The following CBARP variants were observed in gnomAD, a reference collection of about 807,000 sequenced individuals.
CBARP encodes the protein CACN subunit beta associated regulatory protein.
A neutral mutation model predicts 36.3 loss-of-function variants in CBARP; 24 were observed. That is an observed-to-expected ratio of 0.66 (90% CI 0.48 to 0.93). The LOEUF (loss-of-function observed/expected upper bound fraction) is 0.93, where lower values mean the gene tolerates loss of function less well. CBARP is among the 40% of genes least tolerant of loss of function. The pLI is 0.00. For synonymous variants in CBARP, 586 were observed against 453.2 expected, an observed-to-expected ratio of 1.29 and a Z score of -3.72; for missense variants, 1,146 against 980.4, an observed-to-expected ratio of 1.17 and a Z score of -2.26.
chr19:1,234,230 G>A lies in CBARP; in HGVS notation c.729C>T (p.Ile243=). ...SAAGATDFAE[I]SPSASSDSGE... ...CAGAGTCGCTAGATGCCGAGGGGCTGATCTCTGCGAAGTCAGTGGCGCCCG... is the reference window on the plus strand; with the variant it reads ...CAGAGTCGCTAGATGCCGAGGGGCTAATCTCTGCGAAGTCAGTGGCGCCCG... The change falls in exon 7 of 10, where the codon ATC becomes ATT. Residue 243 remains isoleucine, a synonymous_variant. Transcript: ENST00000650044. 1 of 1,510,450 alleles carries A rather than the reference G, an allele frequency of 6.6e-7. No individual in the cohort carries two copies. The allele number at this position is 1,510,450 out of a possible 1,614,324, so 93.6% of individuals were successfully genotyped here. A position where few individuals can be genotyped will look rare whatever the true frequency, so the allele number is the denominator to read the frequency against.
intron 1 of CBARP, among the ~76,000 whole-genome samples, chr19:1,236,476 C>T (rs1456800468): frequency 4.6e-5 from 7 of 152,150 alleles, no homozygotes; most frequent in Admixed American, 4.6e-4. Flanking sequence ...AATGGGGACG[C>T]CAAGGCGGTG....
chr19:1,230,942 G>A (rs749089918), intron 9 of CBARP, 159 bp downstream of exon 9: 1 of 1,581,988 alleles, frequency 6.3e-7, no homozygotes, highest in Non-Finnish European at 8.6e-7. Flanking sequence ...TGGAGAGGTG[G>A]CCCCAGTGAG....
intron 8 of CBARP, 69 bp from the exon 9 acceptor site, chr19:1,231,344 G>A: frequency 6.6e-7 from 1 of 1,525,178 alleles, no homozygotes; most frequent in Non-Finnish European, 8.8e-7. Context: ...CACACAGAAT[G>A]CCTATGCCCC....
chr19:1,231,809 G>A (rs190711969), intron 8 of CBARP, among the ~76,000 whole-genome samples: 12 of 152,060 alleles, frequency 7.9e-5, no homozygotes, highest in Admixed American at 7.2e-4. Flanking sequence ...ACTGAGGCAC[G>A]GAGGGAAGAG....
Position 1,233,548 on chromosome 19 carries a change from G to A in CBARP, c.857C>T (p.Thr286Ile), listed in dbSNP as rs2080921716. 1 of 1,605,674 alleles carries A rather than the reference G, an allele frequency of 6.2e-7. No homozygotes were observed. The highest frequency in any genetic ancestry group is 8.5e-7 in the Non-Finnish European group (1 of 1,176,852). ...GEAGPGSGAGTVLQFLTRLRR... is the reference protein window; with the variant it reads ...GEAGPGSGAGIVLQFLTRLRR... The stretch of plus-strand genomic sequence containing the variant: ...CAGGCGGGTGAGGAACTGCAGAACG[G>A]TACCTGCCCCGGATCCCGGGCCCGC... The change falls in exon 8 of 10, where the codon ACC (threonine) becomes ATC (isoleucine). Residue 286 changes from threonine to isoleucine, a missense_variant. Thr to Ile is a moderately conservative substitution (Grantham distance 89). Transcript: ENST00000650044.
intron 3 of CBARP, 58 bp from the exon 4 acceptor site, chr19:1,235,623 T>G: frequency 6.3e-7 from 1 of 1,585,980 alleles, no homozygotes; most frequent in South Asian, 1.1e-5. Flanking sequence ...CCACAGTGGG[T>G]CTCGGCTCTT....
Position 1,233,511 on chromosome 19 carries a change from G to A in CBARP, c.894C>T (p.Ala298=), listed in dbSNP as rs368965453. The part of the protein sequence containing the change: ...LQFLTRLRRH[A]SLDGASPYFK... ...AATAGGGGCTGGCCCCATCCAGGCT[G>A]GCATGGCGGCGCAGGCGGGTGAGGA... Residue 298 remains alanine (A), a synonymous_variant, in exon 8 of 10, where the codon GCC becomes GCT. Transcript: ENST00000650044. 3 of 1,607,402 alleles carry A rather than the reference G, an allele frequency of 1.9e-6. No individual in the cohort carries two copies. The South Asian group carries it at 3.3e-5, about 18-fold the overall frequency.
chr19:1,234,827 C>A, intron 5 of CBARP, 85 bp from the exon 6 acceptor site: 2 of 1,539,158 alleles, frequency 1.3e-6, no homozygotes, highest in Non-Finnish European at 1.8e-6. Flanking sequence ...ACCCTGCCGG[C>A]CTGGGCAGGG....
At chr19:1,231,465 C>A (rs549868137) in intron 8 of CBARP, among the ~76,000 whole-genome samples, 190 bp from the exon 9 acceptor site, 115 of 114,850 alleles carry the variant, frequency 1.0e-3, no homozygotes, top group African/African-American at 2.3e-3. Context: ...TGGGCCCCCC[C>A]CACACACAGA....
intron 4 of CBARP, 42 bp from the exon 5 acceptor site, chr19:1,235,187 C>T (rs574383479): frequency 3.8e-4 from 562 of 1,473,498 alleles, no homozygotes; most frequent in Non-Finnish European, 4.8e-4. Context: ...GGGCGGGCCA[C>T]GCCAGGCGCC....
intron 9 of CBARP, chr19:1,230,579 T>C: frequency 8.7e-7 from 1 of 1,149,004 alleles, no homozygotes; most frequent in Non-Finnish European, 1.1e-6. Context: ...TGCACAGACG[T>C]GAGGGTCACC....
At chr19:1,234,950 G>T in intron 5 of CBARP, 51 bp downstream of exon 5, 1 of 1,566,822 alleles carries the variant, frequency 6.4e-7, no homozygotes, top group Non-Finnish European at 8.7e-7. Flanking sequence ...CGTCCCGGCG[G>T]CCAGGACCTC....
At chr19:1,234,398 A>G (rs75522877) in intron 6 of CBARP, 67 bp from the exon 7 acceptor site, 65,685 of 1,434,968 alleles carry the variant, frequency 0.046, 2,021 homozygotes, top group East Asian at 0.14. Context: ...GGTGAGGGAC[A>G]TGGGCAGGTG....
In CBARP at chr19:1,229,186, G is replaced by T; in HGVS notation, c.2111C>A (p.Pro704Gln). Residue 704 changes from proline to glutamine, a missense_variant, in exon 10 of 10, where the codon CCG becomes CAG. Pro to Gln is a moderately conservative substitution (Grantham distance 76). Transcript: ENST00000650044. This position sits in a 1 kb window ranked among gnomAD's most constrained non-coding sequence, Gnocchi z 5.1. ...AAAPTSPDHS[P>Q]A ...GGGCCCAGGACGCGGGACTTAGGCC[G>T]GGCTGTGGTCGGGGGACGTGGGGGC... 8.6e-7 allele frequency: 1 copy of T among 1,168,416 alleles called. No homozygotes were observed. Among genetic ancestry groups the T allele is most frequent in the Non-Finnish European group, 1.1e-6 (1 of 925,706 alleles). The allele number at this position is 1,168,416 out of a possible 1,614,324, so 72.4% of individuals were successfully genotyped here. A position where few individuals can be genotyped will look rare whatever the true frequency, so the allele number is the denominator to read the frequency against.
At chr19:1,235,962 C>T (rs576900297) in intron 2 of CBARP, 34 bp downstream of exon 2, 1 of 1,585,120 alleles carries the variant, frequency 6.3e-7, no homozygotes. Context: ...GCCTGGACGA[C>T]CTCCTGCCCC....
chr19:1,230,568 G>C (rs1382008754), intron 9 of CBARP: 5 of 1,123,128 alleles, frequency 4.5e-6, no homozygotes, highest in Non-Finnish European at 5.5e-6. Flanking sequence ...CAGGAGGACA[G>C]TGCACAGACG....
Position 1,234,228 on chromosome 19 carries a change from C to T in CBARP, c.731G>A (p.Ser244Asn), listed in dbSNP as rs1448340779. ...AAGATDFAEI[S>N]PSASSDSGEG... is the part of the protein sequence containing the mutation. Reference sequence around the variant, plus strand: ...CCCAGAGTCGCTAGATGCCGAGGGGCTGATCTCTGCGAAGTCAGTGGCGCC... The same window carrying T: ...CCCAGAGTCGCTAGATGCCGAGGGGTTGATCTCTGCGAAGTCAGTGGCGCC... Residue 244 changes from serine to asparagine, a missense_variant, in exon 7 of 10, where the codon AGC becomes AAC. By Grantham distance (46) the Ser-to-Asn change is conservative. Transcript: ENST00000650044. 4.0e-5 allele frequency: 61 copies of T among 1,513,726 alleles called. No homozygotes were observed. The highest frequency in any genetic ancestry group is 5.1e-5 in the Non-Finnish European group (58 of 1,133,806). 93.8% of individuals were successfully genotyped at this position (1,513,726 alleles called of 1,614,324 possible). A position where few individuals can be genotyped will look rare whatever the true frequency, so the allele number is the denominator to read the frequency against.
Position 1,235,833 on chromosome 19 carries a change from G to A in CBARP, c.191C>T (p.Ser64Phe). ...LFVGGTLVVLSGVLLLCKRCW... is the reference protein window; with the variant it reads ...LFVGGTLVVLFGVLLLCKRCW... ...GCGCTTGCAGAGGAGCAGGACGCCA[G>A]ACAACACCACCAGCGTGCCCCCCAC... Residue 64 changes from serine (S) to phenylalanine (F), a missense_variant, in exon 3 of 10, where the codon TCT (serine) becomes TTT (phenylalanine). Transcript: ENST00000650044. 1 of 1,611,172 alleles carries A rather than the reference G, an allele frequency of 6.2e-7. No homozygotes were observed. The highest frequency in any genetic ancestry group is 8.5e-7 in the Non-Finnish European group (1 of 1,179,920).
Position 1,229,156 on chromosome 19 carries a change from G to A in CBARP, c.*23C>T, listed in dbSNP as rs1227655012. 3.9e-6 allele frequency: 4 copies of A among 1,016,236 alleles called. No homozygotes were observed. The highest frequency in any genetic ancestry group is 4.8e-6 in the Non-Finnish European group (4 of 827,004). 63.0% of individuals were successfully genotyped at this position (1,016,236 alleles called of 1,614,324 possible). ...GTGCGGCGCCGGAGAAGCTGCCAGA[G>A]AGATGGGCCCAGGACGCGGGACTTA... is the stretch of plus-strand genomic sequence containing the variant. On this transcript the variant is annotated 3_prime_UTR_variant, in exon 10 of 10. Coordinates refer to ENST00000650044, the MANE Select transcript of CBARP (RefSeq NM_001393918.1). The surrounding 1 kb of genome is among the most constrained non-coding windows in gnomAD (Gnocchi z 5.1).
Sources: allele counts gnomAD v4.1 joint callset (sites outside exome capture counted in the v4.1 genomes callset), GRCh38; gene constraint gnomAD v4.1.1; non-coding constraint Gnocchi (gnomAD v3.1); transcripts MANE v1.5; gene names NCBI Gene and HGNC (gene_info 2026-07-23, HGNC 2026-07-21).